Variants in CNTN5 observed in about 807,000 individuals in gnomAD.
CNTN5 encodes contactin 5.
A neutral mutation model predicts 129.1 loss-of-function variants in CNTN5; 77 were observed. The ratio of observed to expected loss-of-function variants is 0.60; its 90% CI spans 0.50 to 0.72. The LOEUF is 0.72. Ranked by LOEUF, CNTN5 falls within the 30% of genes least tolerant of loss-of-function variation. The pLI is 0.00. For missense variants in CNTN5, 1,478 were observed against 1,328.8 expected (o/e 1.11, Z -1.75); for synonymous variants, 509 against 465.6 (o/e 1.09, Z -1.20).
intron 1 of CNTN5, among the ~76,000 whole-genome samples, chr11:99,247,880 G>T (rs1336713200): frequency 6.6e-6 from 1 of 152,104 alleles, no homozygotes; most frequent in South Asian, 2.1e-4. Flanking sequence ...ATTTGGGTTG[G>T]TTCCAAGTCT....
At chr11:100,025,300 T>C (rs375203064) in intron 9 of CNTN5, among the ~76,000 whole-genome samples, 2 of 152,184 alleles carry the variant, frequency 1.3e-5, no homozygotes, top group African/African-American at 4.8e-5. Context: ...AAGTGAAGAA[T>C]TGAGGTTTGG....
intron 3 of CNTN5, among the ~76,000 whole-genome samples, chr11:99,724,066 G>A (rs868402041): frequency 9.2e-5 from 14 of 152,066 alleles, no homozygotes; most frequent in African/African-American, 1.4e-4. Context: ...TTACACACAC[G>A]TACTCTTCAA....
At chr11:99,735,784 TTGTG>T (rs902873722) in intron 3 of CNTN5, among the ~76,000 whole-genome samples, 3 of 152,168 alleles carry the variant, frequency 2.0e-5, no homozygotes, top group Non-Finnish European at 4.4e-5. Flanking sequence ...TTACCATCGT[TTGTG>T]TGTGTAGAGA....
intron 6 of CNTN5, among the ~76,000 whole-genome samples, chr11:99,896,163 G>A (rs1346710468): frequency 6.6e-6 from 1 of 152,182 alleles, no homozygotes; most frequent in East Asian, 1.9e-4. Context: ...TGGACCTCCA[G>A]TATGGATGTC....
At chr11:100,004,399 A>G (rs1940066420) in intron 9 of CNTN5, among the ~76,000 whole-genome samples, 1 of 152,036 alleles carries the variant, frequency 6.6e-6, no homozygotes, top group South Asian at 2.1e-4. Context: ...TCTGGCCTCA[A>G]TTTCAATATC....
intron 2 of CNTN5, among the ~76,000 whole-genome samples, chr11:99,445,809 C>A (rs754070305): frequency 6.6e-6 from 1 of 152,024 alleles, no homozygotes; most frequent in Admixed American, 6.6e-5. Flanking sequence ...TAGGGCCGGG[C>A]GCGGTGACTC....
At chr11:100,109,894 CAT>C (rs1258373077) in intron 13 of CNTN5, among the ~76,000 whole-genome samples, 2 of 152,098 alleles carry the variant, frequency 1.3e-5, no homozygotes, top group Admixed American at 6.5e-5. Flanking sequence ...AAAGGCAAAA[CAT>C]AGCCATGTGT....
At chr11:99,330,493 G>A (rs751820126) in intron 2 of CNTN5, among the ~76,000 whole-genome samples, 4 of 152,130 alleles carry the variant, frequency 2.6e-5, no homozygotes, top group Non-Finnish European at 5.9e-5. Context: ...TGGATTTTGG[G>A]TTAGTACACA....
At chr11:99,423,450 T>A (rs1156436354) in intron 2 of CNTN5, among the ~76,000 whole-genome samples, 1 of 152,216 alleles carries the variant, frequency 6.6e-6, no homozygotes, top group Non-Finnish European at 1.5e-5. Context: ...AAAGCTTTAT[T>A]TAGTTTCTAA....
rs564704714 is a variant in CNTN5, at chr11:99,546,665, ATTAT to A, written c.-70-9471_-70-9468del. ...AGAACTTTTGAAATTTAGTTATATG[ATTAT>A]TTATTTATGATGGTGTTTTTAATAA... On this transcript the variant is annotated intron_variant, in intron 2 of 24. Coordinates refer to ENST00000524871, the MANE Select transcript of CNTN5 (RefSeq NM_014361.4). 6.4e-4 allele frequency among the ~76,000 whole-genome samples: 97 copies of A among 152,218 alleles called. No individual in the cohort carries two copies. The South Asian group carries it at 9.3e-3, about 15-fold the overall frequency.
chr11:99,255,184 A>G (rs4394813), intron 1 of CNTN5, among the ~76,000 whole-genome samples: 2,627 of 152,020 alleles, frequency 0.017, 41 homozygotes, highest in African/African-American at 0.037. Flanking sequence ...TTTGGTGAAA[A>G]CTGCAGTTAA....
At chr11:99,137,151 A>G (rs937970089) in intron 1 of CNTN5, among the ~76,000 whole-genome samples, 3 of 152,160 alleles carry the variant, frequency 2.0e-5, no homozygotes, top group Non-Finnish European at 4.4e-5. Flanking sequence ...TGATGTGGGA[A>G]TGACCCTTAG....
intron 12 of CNTN5, among the ~76,000 whole-genome samples, chr11:100,072,990 C>CAAAAAAAAAAAAAAAAAAAAAAAA (rs61042118): frequency 3.8e-5 from 3 of 79,074 alleles, no homozygotes; most frequent in African/African-American, 1.8e-4. Flanking sequence ...TCCCAGGAGG[C>CAAAAAAAAAAAAAAAAAAAAAAAA]AAAAAAAAAA....
At chr11:99,331,962 TAG>T (rs1866018640) in intron 2 of CNTN5, among the ~76,000 whole-genome samples, 1 of 152,118 alleles carries the variant, frequency 6.6e-6, no homozygotes, top group Non-Finnish European at 1.5e-5. Flanking sequence ...AGACGTGGAA[TAG>T]AGTCATCCCA....
intron 1 of CNTN5, among the ~76,000 whole-genome samples, chr11:99,061,780 C>G (rs1455110008): frequency 6.6e-6 from 1 of 151,922 alleles, no homozygotes; most frequent in Admixed American, 6.6e-5. Context: ...CTGCTTGAAG[C>G]TAAGAGTTTG....
chr11:100,292,789 A>G (rs1325472566), intron 18 of CNTN5, among the ~76,000 whole-genome samples: 2 of 151,984 alleles, frequency 1.3e-5, no homozygotes, highest in Non-Finnish European at 2.9e-5. Flanking sequence ...TGGTTTCCCT[A>G]ATTCGTAGCG....
intron 7 of CNTN5, among the ~76,000 whole-genome samples, chr11:99,929,651 CT>C (rs1261454213): frequency 6.6e-6 from 1 of 152,140 alleles, no homozygotes; most frequent in Non-Finnish European, 1.5e-5. Context: ...ACCATCAGAT[CT>C]TGTGAGAACT....
In CNTN5 at chr11:99,630,594, A is replaced by C. The variant is rs1209810959; in HGVS notation, c.55+74325A>C. On this transcript the variant is annotated intron_variant, in intron 3 of 24. Coordinates refer to ENST00000524871, the MANE Select transcript of CNTN5 (RefSeq NM_014361.4). ...AAAGAACACAAATTTCTCAAGACAA[A>C]AATCTTCCTATTTCTTAGTCACAAT... 3.3e-5 allele frequency among the ~76,000 whole-genome samples: 5 copies of C among 152,028 alleles called. 1 individual carries two copies. Among genetic ancestry groups the C allele is most frequent in the Non-Finnish European group, 7.4e-5 (5 of 68,014 alleles).
chr11:99,281,077 T>C (rs897631206), intron 1 of CNTN5, among the ~76,000 whole-genome samples: 1 of 151,714 alleles, frequency 6.6e-6, no homozygotes, highest in East Asian at 1.9e-4. Flanking sequence ...GAAGATAAAT[T>C]TGAAGATATT....
Sources: allele counts gnomAD v4.1 joint callset (sites outside exome capture counted in the v4.1 genomes callset), GRCh38; gene constraint gnomAD v4.1.1; transcripts MANE v1.5; gene names NCBI Gene and HGNC (gene_info 2026-07-23, HGNC 2026-07-21).